The following NTM variants were observed in gnomAD, a reference collection of about 807,000 sequenced individuals.
NTM encodes neurotrimin.
NTM carries 13 observed loss-of-function variants against 42.1 expected under a neutral mutation model. That is an observed-to-expected ratio of 0.31 (90% confidence interval 0.20 to 0.49). The LOEUF (loss-of-function observed/expected upper bound fraction) is 0.49. NTM is among the 20% of genes least tolerant of loss of function. The pLI, the probability that NTM is intolerant of heterozygous loss-of-function variation, is 0.99. For missense variants in NTM, 373 were observed against 452.8 expected, an observed-to-expected ratio of 0.82 and a Z score of 1.60; for synonymous variants, 187 against 179.2, an observed-to-expected ratio of 1.04 and a Z score of -0.35.
At chr11:131,617,404 T>C (rs778982327) in intron 1 of NTM, among the ~76,000 whole-genome samples, 1 of 152,204 alleles carries the variant, frequency 6.6e-6, no homozygotes, top group African/African-American at 2.4e-5. Context: ...GCGATTGTGA[T>C]TCAGGGATTT....
At chr11:132,211,865 A>G in intron 3 of NTM, 157 bp from the exon 4 acceptor site, 1 of 594,356 alleles carries the variant, frequency 1.7e-6, no homozygotes, top group Non-Finnish European at 2.6e-6. Context: ...TAAAGGTAAG[A>G]CTTTTTTATG....
intron 1 of NTM, among the ~76,000 whole-genome samples, chr11:131,630,854 G>C (rs548451617): frequency 6.6e-6 from 1 of 152,180 alleles, no homozygotes; most frequent in Admixed American, 6.5e-5. Context: ...AGGCTTTTTA[G>C]GGATTTAGAA....
chr11:131,904,585 C>A (rs995726992), intron 1 of NTM, among the ~76,000 whole-genome samples: 1 of 152,150 alleles, frequency 6.6e-6, no homozygotes, highest in East Asian at 1.9e-4. Flanking sequence ...TTGGGCCTTG[C>A]ATGGTCGAAG....
intron 2 of NTM, among the ~76,000 whole-genome samples, chr11:132,005,894 A>G (rs1484493207): frequency 3.3e-5 from 5 of 152,224 alleles, no homozygotes. Flanking sequence ...TTTTGTTAGA[A>G]AATTTTAAAA....
chr11:131,650,144 C>G (rs144015649), intron 1 of NTM, among the ~76,000 whole-genome samples: 6 of 152,132 alleles, frequency 3.9e-5, no homozygotes, highest in Non-Finnish European at 7.4e-5. Flanking sequence ...ATAGCAGGAC[C>G]GTGAGGCAGT....
intron 1 of NTM, among the ~76,000 whole-genome samples, chr11:131,808,512 G>A (rs552486878): frequency 1.3e-5 from 2 of 152,312 alleles, no homozygotes; most frequent in Non-Finnish European, 2.9e-5. Flanking sequence ...AGCCATATCT[G>A]TTAAAAATAA....
At chr11:131,664,394 G>T (rs902998084) in intron 1 of NTM, among the ~76,000 whole-genome samples, 3 of 152,122 alleles carry the variant, frequency 2.0e-5, no homozygotes, top group Admixed American at 1.3e-4. Flanking sequence ...TCTAGTTCTT[G>T]ATTTTTCTAA....
At chr11:132,196,913 G>T (rs1459271459) in intron 3 of NTM, among the ~76,000 whole-genome samples, 4 of 152,060 alleles carry the variant, frequency 2.6e-5, no homozygotes, top group Admixed American at 2.0e-4. Context: ...ACCTGCACAT[G>T]TACTCCCTGA....
chr11:132,282,768 C>T (rs2094027807), intron 4 of NTM, among the ~76,000 whole-genome samples: 1 of 152,038 alleles, frequency 6.6e-6, no homozygotes, highest in Non-Finnish European at 1.5e-5. Context: ...AAGAGAGAAA[C>T]ATAATCTACA....
chr11:132,231,209 A>C (rs778009902), intron 4 of NTM, among the ~76,000 whole-genome samples: 1 of 152,216 alleles, frequency 6.6e-6, no homozygotes, highest in Admixed American at 6.5e-5. Flanking sequence ...GTCCATCTTC[A>C]AGACCTTTTC....
intron 1 of NTM, among the ~76,000 whole-genome samples, chr11:131,809,952 T>G (rs1469738806): frequency 6.6e-6 from 1 of 152,202 alleles, no homozygotes; most frequent in Non-Finnish European, 1.5e-5. Flanking sequence ...TACACAACTT[T>G]TTGATTTATT....
At chr11:132,201,585 C>T (rs1348208327) in intron 3 of NTM, among the ~76,000 whole-genome samples, 5 of 152,146 alleles carry the variant, frequency 3.3e-5, no homozygotes, top group Non-Finnish European at 5.9e-5. Flanking sequence ...TCTTGCCAGC[C>T]CCTGGCTCTG....
At chr11:131,964,635 C>G (rs1053530255) in intron 2 of NTM, among the ~76,000 whole-genome samples, 2 of 152,174 alleles carry the variant, frequency 1.3e-5, no homozygotes, top group Non-Finnish European at 2.9e-5. Context: ...TTGATGGTCT[C>G]TCTTCATTAT....
chr11:131,892,824 G>C (rs1002275912), intron 1 of NTM, among the ~76,000 whole-genome samples: 2 of 152,320 alleles, frequency 1.3e-5, no homozygotes, highest in East Asian at 3.9e-4. Context: ...TGTGAAGCGG[G>C]GCATCTCATT....
chr11:131,941,893 C>T (rs766092896), intron 2 of NTM, among the ~76,000 whole-genome samples: 1 of 143,138 alleles, frequency 7.0e-6, no homozygotes, highest in Non-Finnish European at 1.6e-5. Flanking sequence ...CAGGTGTTTT[C>T]TGCATAATCA....
chr11:131,686,831 G>C (rs1014327585), intron 1 of NTM, among the ~76,000 whole-genome samples: 4 of 152,098 alleles, frequency 2.6e-5, no homozygotes, highest in Non-Finnish European at 2.9e-5. Flanking sequence ...AAATAATTTC[G>C]GGCCTTTTCT....
At chr11:131,458,303 G>T (rs1464704922) in intron 1 of NTM, among the ~76,000 whole-genome samples, 1 of 152,210 alleles carries the variant, frequency 6.6e-6, no homozygotes, top group East Asian at 1.9e-4. Flanking sequence ...GCTATGCCGA[G>T]ATCACCTGTG....
At chr11:132,199,389 A>G (rs768852772) in intron 3 of NTM, among the ~76,000 whole-genome samples, 8 of 152,192 alleles carry the variant, frequency 5.3e-5, no homozygotes, top group Non-Finnish European at 8.8e-5. Flanking sequence ...CTTTTCTGTA[A>G]TTGGACATAT....
chr11:132,099,502 C>T (rs574702526), intron 2 of NTM, among the ~76,000 whole-genome samples: 2 of 152,166 alleles, frequency 1.3e-5, no homozygotes, highest in East Asian at 1.9e-4. Flanking sequence ...AACTGGAAAA[C>T]AGTGATGTAG....
Sources: gnomAD v4.1 joint callset for allele counts (sites outside exome capture counted in the v4.1 genomes callset) on GRCh38, gnomAD v4.1.1 for gene constraint, MANE v1.5 for transcripts, NCBI Gene and HGNC (gene_info 2026-07-23, HGNC 2026-07-21) for gene names.